Variants in DLGAP1 observed in about 807,000 individuals in gnomAD.
The protein encoded by DLGAP1 is disks large-associated protein 1.
A neutral mutation model predicts 90.8 loss-of-function variants in DLGAP1; 11 were observed. That is an observed-to-expected ratio of 0.12 (90% CI 0.08 to 0.20). The LOEUF is 0.20. Among genes scored for constraint, DLGAP1 ranks in the 10% least tolerant of loss-of-function variants. The pLI, the probability that DLGAP1 is intolerant of heterozygous loss-of-function variation, is 1.00. For synonymous variants in DLGAP1, 558 were observed against 540.7 expected, an observed-to-expected ratio of 1.03 and a Z score of -0.44; for missense variants, 1,050 against 1,333.8, an observed-to-expected ratio of 0.79 and a Z score of 3.31.
chr18:4,387,761 T>C (rs1403866246), intron 1 of DLGAP1, among the ~76,000 whole-genome samples: 1 of 152,110 alleles, frequency 6.6e-6, no homozygotes, highest in Non-Finnish European at 1.5e-5. Flanking sequence ...CGAAACCCCG[T>C]CTCTACTAAA....
chr18:3,990,563 A>G (rs1379007060), intron 3 of DLGAP1, among the ~76,000 whole-genome samples: 2 of 151,184 alleles, frequency 1.3e-5, no homozygotes, highest in Non-Finnish European at 2.9e-5. Context: ...CAACACACCA[A>G]CATGGCACAT....
Position 3,845,703 on chromosome 18 carries a change from C to T in DLGAP1, c.958-31430G>A, listed in dbSNP as rs756360393. ...TCAAATGGAAGTCCCCATCAGGGAA[C>T]GATCCTTGCAGCTTGCTAAAAGAAG... On this transcript the variant is annotated intron_variant, in intron 4 of 12. Coordinates refer to ENST00000315677, the MANE Select transcript of DLGAP1 (RefSeq NM_004746.4). 3.3e-4 allele frequency: 227 copies of T among 688,350 alleles called. 1 individual carries two copies. The highest frequency in any genetic ancestry group is 3.9e-4 in the Non-Finnish European group (220 of 558,828). 42.6% of individuals were successfully genotyped at this position (688,350 alleles called of 1,614,324 possible).
At chr18:3,923,402 C>G (rs1178861368) in intron 3 of DLGAP1, among the ~76,000 whole-genome samples, 1 of 151,926 alleles carries the variant, frequency 6.6e-6, no homozygotes, top group East Asian at 1.9e-4. Context: ...CTTCTGTAAA[C>G]TTTTTGTTTA....
At chr18:4,196,583 C>G (rs1370113273) in intron 1 of DLGAP1, among the ~76,000 whole-genome samples, 1 of 152,200 alleles carries the variant, frequency 6.6e-6, no homozygotes, top group Non-Finnish European at 1.5e-5. Context: ...CTGTACACAG[C>G]AGGATGTGCT....
At chr18:4,436,822 G>A (rs1470984966) in intron 1 of DLGAP1, among the ~76,000 whole-genome samples, 4 of 152,110 alleles carry the variant, frequency 2.6e-5, no homozygotes, top group Non-Finnish European at 1.5e-5. Flanking sequence ...ATTTTTCATT[G>A]GTGTCTAACA....
At chr18:3,771,922 T>C (rs1421046273) in intron 5 of DLGAP1, among the ~76,000 whole-genome samples, 3 of 152,056 alleles carry the variant, frequency 2.0e-5, no homozygotes, top group African/African-American at 7.2e-5. Context: ...TTCTCTCCTC[T>C]CCCGGTCCCT....
intron 6 of DLGAP1, among the ~76,000 whole-genome samples, chr18:3,741,119 C>T (rs1425724120): frequency 7.7e-6 from 1 of 129,440 alleles, no homozygotes; most frequent in African/African-American, 3.1e-5. Context: ...TCACCACCAC[C>T]ATCACCACCA....
At chr18:4,190,182 T>C (rs922811004) in intron 1 of DLGAP1, among the ~76,000 whole-genome samples, 1 of 151,914 alleles carries the variant, frequency 6.6e-6, no homozygotes, top group African/African-American at 2.4e-5. Context: ...TATTCAGTAA[T>C]GTGAAAAAAA....
chr18:4,279,484 T>TA (rs1425019850), intron 1 of DLGAP1, among the ~76,000 whole-genome samples: 2 of 152,164 alleles, frequency 1.3e-5, no homozygotes, highest in Admixed American at 6.5e-5. Flanking sequence ...ACATGGGCTT[T>TA]AAAAAATAAA....
intron 1 of DLGAP1, among the ~76,000 whole-genome samples, chr18:4,297,841 TTA>T (rs2080023028): frequency 6.6e-6 from 1 of 152,088 alleles, no homozygotes; most frequent in East Asian, 1.9e-4. Context: ...CCATGAAAGT[TTA>T]GTCTCTCCTA....
At chr18:3,953,281 C>G (rs990056876) in intron 3 of DLGAP1, among the ~76,000 whole-genome samples, 2 of 152,142 alleles carry the variant, frequency 1.3e-5, no homozygotes, top group Non-Finnish European at 2.9e-5. Flanking sequence ...ACCCATCACC[C>G]AAATAGTGAC....
At chr18:3,600,863 TAG>T (rs2056924596) in intron 7 of DLGAP1, among the ~76,000 whole-genome samples, 1 of 65,574 alleles carries the variant, frequency 1.5e-5, no homozygotes, top group African/African-American at 9.8e-5. Context: ...TAGATATATA[TAG>T]ATATATAGAT....
At position 4,318,548 on chromosome 18, in the gene DLGAP1, G is replaced by C. The variant is rs1027999729; in HGVS notation, c.-267+136458C>G. ...CTAATGCATGAAAGAACAGATCGGG[G>C]CAAGAATTGGTAGGATATACACACA... is the stretch of plus-strand genomic sequence containing the variant. On this transcript the variant is annotated intron_variant, in intron 1 of 12. Coordinates refer to ENST00000315677, the MANE Select transcript of DLGAP1 (RefSeq NM_004746.4). Among the ~76,000 whole-genome samples, 5 of 152,156 alleles carry C rather than the reference G, an allele frequency of 3.3e-5. 1 individual carries two copies. Among genetic ancestry groups the C allele is most frequent in the Admixed American group, 2.6e-4 (4 of 15,280 alleles).
At chr18:4,302,843 C>T (rs1260339953) in intron 1 of DLGAP1, among the ~76,000 whole-genome samples, 3 of 152,202 alleles carry the variant, frequency 2.0e-5, no homozygotes, top group Non-Finnish European at 1.5e-5. Flanking sequence ...TCTTCCAATA[C>T]ATGAACACAG....
rs1019465660 is a variant in DLGAP1 at position 4,140,983 on chromosome 18, A to G, written c.-159+10197T>C. 2.0e-5 allele frequency among the ~76,000 whole-genome samples: 3 copies of G among 151,516 alleles called. 1 individual carries two copies. The highest frequency in any genetic ancestry group is 7.3e-5 in the African/African-American group (3 of 41,258). On this transcript the variant is annotated intron_variant, in intron 2 of 12. Coordinates refer to ENST00000315677, the MANE Select transcript of DLGAP1 (RefSeq NM_004746.4). Reference sequence around the variant, plus strand: ...TCCTTTCATTATCCTTGACCTTTGGAAGTTTGACTACTAAAGGTCTTGAGG... The same window carrying G: ...TCCTTTCATTATCCTTGACCTTTGGGAGTTTGACTACTAAAGGTCTTGAGG...
At position 3,627,418 on chromosome 18, in the gene DLGAP1, C is replaced by T. The variant is rs185035754; in HGVS notation, c.1592-45170G>A. On this transcript the variant is annotated intron_variant, in intron 7 of 12. Coordinates refer to ENST00000315677, the MANE Select transcript of DLGAP1 (RefSeq NM_004746.4). ...AGTCCAATGTGTTGTCAGTTTCCTT[C>T]GTACAGTTCCATGAGATAGAGGAAT... Among the ~76,000 whole-genome samples the T allele has an allele frequency of 1.3e-3, 180 of 141,768 alleles. 3 individuals carry two copies. In the East Asian group the frequency reaches 0.023, roughly 18 times the overall value. The allele number at this position is 141,768 out of a possible 152,430, so 93.0% of individuals were successfully genotyped here.
intron 3 of DLGAP1, among the ~76,000 whole-genome samples, chr18:3,918,516 GA>G (rs535689979): frequency 2.7e-3 from 410 of 152,098 alleles, no homozygotes; most frequent in Non-Finnish European, 4.5e-3. Flanking sequence ...ATCAAAGGGG[GA>G]AAAAAATGCC....
chr18:3,534,694 C>CTT lies in DLGAP1; in HGVS notation c.2058-81_2058-80dup, dbSNP rs570549234. ...CCTTCCTTCCTTCCTTCCTTTCTTT[C>CTT]TTTTTTTTTTTTTTTTGACAGAGTC... On this transcript the variant is annotated intron_variant, in intron 9 of 12. Transcript: ENST00000315677. 8,032 of 994,440 alleles carry CTT rather than the reference C, an allele frequency of 8.1e-3. 1 individual carries two copies. Among genetic ancestry groups the CTT allele is most frequent in the Non-Finnish European group, 9.4e-3 (6,893 of 731,488 alleles). The allele number at this position is 994,440 out of a possible 1,614,324, so 61.6% of individuals were successfully genotyped here.
At chr18:3,642,995 A>G (rs989336188) in intron 7 of DLGAP1, among the ~76,000 whole-genome samples, 3 of 152,254 alleles carry the variant, frequency 2.0e-5, no homozygotes, top group Non-Finnish European at 4.4e-5. Flanking sequence ...GACTCAAGTT[A>G]TTCATTGTGG....
Sources: gnomAD v4.1 joint callset for allele counts (sites outside exome capture counted in the v4.1 genomes callset) on GRCh38, gnomAD v4.1.1 for gene constraint, MANE v1.5 for transcripts, NCBI Gene and HGNC (gene_info 2026-07-23, HGNC 2026-07-21) for gene names.